DKK3: variants seen among roughly 807,000 people sequenced by gnomAD.
DKK3 encodes dickkopf-related protein 3.
In DKK3, 22 loss-of-function variants were observed where a neutral mutation model predicts 33.2. The ratio of observed to expected loss-of-function variants is 0.66; its 90% CI spans 0.47 to 0.95. DKK3 has a LOEUF of 0.95. DKK3 is among the 40% of genes least tolerant of loss of function. The pLI, the probability that DKK3 is intolerant of heterozygous loss-of-function variation, is 0.00. For missense variants in DKK3, 398 were observed against 458.4 expected, an observed-to-expected ratio of 0.87 and a Z score of 1.20; for synonymous variants, 194 against 188.8, an observed-to-expected ratio of 1.03 and a Z score of -0.23.
chr11:12,006,053 C>G (rs1006291900), intron 1 of DKK3, among the ~76,000 whole-genome samples: 1 of 152,158 alleles, frequency 6.6e-6, no homozygotes, highest in Non-Finnish European at 1.5e-5. Context: ...ACCATCATGT[C>G]ATCCTTACAG....
At chr11:11,984,287 C>A (rs918831007) in intron 3 of DKK3, among the ~76,000 whole-genome samples, 1 of 152,196 alleles carries the variant, frequency 6.6e-6, no homozygotes, top group African/African-American at 2.4e-5. Context: ...TTATGGGCTT[C>A]TTATGAACAC....
chr11:11,982,691 C>T (rs988765754), intron 3 of DKK3, among the ~76,000 whole-genome samples: 2 of 152,152 alleles, frequency 1.3e-5, no homozygotes, highest in Admixed American at 6.5e-5. Context: ...AGGGAGAGCA[C>T]AGCCAGTCCT....
rs1191849385 is a variant in DKK3 at position 11,989,125 on chromosome 11, A to G, written c.435+9571T>C. ...GGGAATGCAAAATGGCGCAGCCACT[A>G]TGGAAAACAGTATGGTGTTTCCTCA... On this transcript the variant is annotated intron_variant, in intron 3 of 6. Coordinates refer to ENST00000683431, the MANE Select transcript of DKK3 (RefSeq NM_001018057.2). Among the ~76,000 whole-genome samples, 8 of 152,256 alleles carry G rather than the reference A, an allele frequency of 5.3e-5. No homozygotes were observed. The East Asian group carries it at 9.6e-4, about 18-fold the overall frequency.
At chr11:11,997,098 G>C (rs999558291) in intron 3 of DKK3, among the ~76,000 whole-genome samples, 2 of 152,230 alleles carry the variant, frequency 1.3e-5, no homozygotes, top group African/African-American at 4.8e-5. Context: ...AAGGGTGGAG[G>C]GGGCAGCATG....
rs1847503771 is a variant in DKK3 at position 11,963,387 on chromosome 11, AT to A, written c.*1076del. The stretch of plus-strand genomic sequence containing the variant: ...AATTGTCTTCAGTTGCTGCTAAGTG[AT>A]TTTGCAAATTTCATTTATAATCCTC... On this transcript the variant is annotated 3_prime_UTR_variant, in exon 7 of 7. Transcript: ENST00000683431. 1 of 152,338 alleles carries A rather than the reference AT, an allele frequency of 6.6e-6. No homozygotes were observed. The highest frequency in any genetic ancestry group is 6.5e-5 in the Admixed American group (1 of 15,298). 9.4% of individuals were successfully genotyped at this position (152,338 alleles called of 1,614,324 possible). A position where few individuals can be genotyped will look rare whatever the true frequency, so the allele number is the denominator to read the frequency against.
chr11:11,993,318 T>C (rs1336193602), intron 3 of DKK3, among the ~76,000 whole-genome samples: 1 of 152,090 alleles, frequency 6.6e-6, no homozygotes, highest in African/African-American at 2.4e-5. Context: ...AACTAAGAGA[T>C]TTCATATACC....
At chr11:11,966,490 C>A (rs906976488) in intron 5 of DKK3, among the ~76,000 whole-genome samples, 1 of 151,990 alleles carries the variant, frequency 6.6e-6, no homozygotes. Context: ...ATCACGGAGG[C>A]GGCAGGTACA....
intron 3 of DKK3, chr11:11,978,718 T>C (rs1023991692): frequency 6.6e-6 from 1 of 152,204 alleles, no homozygotes; most frequent in Non-Finnish European, 1.5e-5. Flanking sequence ...GGATTGTGTA[T>C]GATAACAGGG....
At chr11:11,967,159 C>A in intron 4 of DKK3, 61 bp from the exon 5 acceptor site, 1 of 1,582,906 alleles carries the variant, frequency 6.3e-7, no homozygotes, top group Non-Finnish European at 8.6e-7. Flanking sequence ...CTGCTGAGAG[C>A]CCAGCCTGAA....
At chr11:11,967,212 C>G in intron 4 of DKK3, 114 bp from the exon 5 acceptor site, 1 of 1,273,404 alleles carries the variant, frequency 7.9e-7, no homozygotes, top group South Asian at 1.5e-5. Context: ...ATTGTAGAGA[C>G]AGGCAGACCA....
intron 3 of DKK3, among the ~76,000 whole-genome samples, chr11:11,988,382 G>T (rs757939383): frequency 3.3e-5 from 5 of 152,236 alleles, no homozygotes; most frequent in Non-Finnish European, 7.4e-5. Flanking sequence ...GAATTCCCTG[G>T]GAGCATTAAA....
At chr11:11,974,088 C>T (rs970708311) in intron 3 of DKK3, among the ~76,000 whole-genome samples, 5 of 152,244 alleles carry the variant, frequency 3.3e-5, no homozygotes, top group African/African-American at 9.6e-5. Flanking sequence ...CTTCCCCAAG[C>T]TCCTCTCAAG....
intron 3 of DKK3, among the ~76,000 whole-genome samples, chr11:11,991,712 C>T (rs1306896221): frequency 6.6e-6 from 1 of 152,194 alleles, no homozygotes; most frequent in African/African-American, 2.4e-5. Flanking sequence ...GGTGCAGACA[C>T]TGGTGCCATG....
chr11:11,977,047 C>A (rs1309038741), intron 3 of DKK3, among the ~76,000 whole-genome samples: 1 of 152,170 alleles, frequency 6.6e-6, no homozygotes, highest in Non-Finnish European at 1.5e-5. Context: ...AGGAGCCCAT[C>A]AGTGCCAGCT....
At chr11:11,971,116 C>G (rs969916084) in intron 3 of DKK3, among the ~76,000 whole-genome samples, 7 of 151,376 alleles carry the variant, frequency 4.6e-5, no homozygotes, top group Admixed American at 6.6e-5. Context: ...ATTTCCCTTC[C>G]TGGTGACTAC....
At chr11:12,008,659 G>T, upstream of DKK3, 5 of 1,263,398 alleles carry the variant, frequency 4.0e-6, no homozygotes, top group Non-Finnish European at 5.0e-6. The surrounding 1 kb of genome is among the most constrained non-coding windows in gnomAD (Gnocchi z 4.6). Flanking sequence ...CCCCTCGCTG[G>T]GCCCGCCGCC....
At chr11:12,003,758 TGCTC>T (rs1848480226) in intron 1 of DKK3, among the ~76,000 whole-genome samples, 2 of 152,100 alleles carry the variant, frequency 1.3e-5, no homozygotes, top group South Asian at 4.1e-4. Flanking sequence ...AAAAAAAGAA[TGCTC>T]AAAAAGTATT....
At position 11,972,949 on chromosome 11, in the gene DKK3, G is replaced by T. The variant is rs115076351; in HGVS notation, c.436-4462C>A. ...GAGAAGCTGAGATCAGAAATAAGAG[G>T]CCTGGGAGGGAAGGCAGGGGCTCTG... On this transcript the variant is annotated intron_variant, in intron 3 of 6. Transcript: ENST00000683431. Among the ~76,000 whole-genome samples the T allele has an allele frequency of 6.3e-3, 952 of 152,232 alleles. 11 individuals carry two copies. Among genetic ancestry groups the T allele is most frequent in the African/African-American group, 0.022 (906 of 41,532 alleles).
At chr11:12,009,665 C>T (rs1848617177), upstream of DKK3, 12 of 985,594 alleles carry the variant, frequency 1.2e-5, no homozygotes, top group Non-Finnish European at 1.4e-5. Context: ...AACCTCTGTC[C>T]TGTGAAATCC....
Sources: gnomAD v4.1 joint callset for allele counts (sites outside exome capture counted in the v4.1 genomes callset) on GRCh38, gnomAD v4.1.1 for gene constraint, Gnocchi (gnomAD v3.1) non-coding constraint, MANE v1.5 for transcripts, NCBI Gene and HGNC (gene_info 2026-07-23, HGNC 2026-07-21) for gene names.